The following ZMYM2 variants were observed in gnomAD, a reference collection of about 807,000 sequenced individuals.
ZMYM2 encodes zinc finger MYM-type containing 2.
ZMYM2 carries 56 observed loss-of-function variants against 162.8 expected under a neutral mutation model. The observed-to-expected ratio is 0.34, with a 90% CI of 0.28 to 0.43. The LOEUF (loss-of-function observed/expected upper bound fraction) is 0.43. Ranked by LOEUF, ZMYM2 falls within the 20% of genes least tolerant of loss-of-function variation. The pLI is 1.00. For synonymous variants in ZMYM2, 510 were observed against 541.6 expected (o/e 0.94, Z 0.81); for missense variants, 1,275 against 1,621.8 (o/e 0.79, Z 3.67).
chr13:20,052,362 TA>T, intron 14 of ZMYM2, 51 bp downstream of exon 14: 1 of 1,500,616 alleles, frequency 6.7e-7, no homozygotes, highest in Non-Finnish European at 9.0e-7. Context: ...TAATATGGGG[TA>T]AAAAATAATT....
the ZMYM2 span, among the ~76,000 whole-genome samples, chr13:19,940,523 T>G: frequency 6.6e-6 from 1 of 152,236 alleles, no homozygotes; most frequent in South Asian, 2.1e-4. Context: ...TATATTAGCC[T>G]TCAGGATTTT....
intron 3 of ZMYM2, among the ~76,000 whole-genome samples, chr13:19,994,676 G>T (rs1949886497): frequency 6.6e-6 from 1 of 151,950 alleles, no homozygotes; most frequent in Non-Finnish European, 1.5e-5. Context: ...TTTGTATGGG[G>T]TTTTATCATG....
the ZMYM2 span, among the ~76,000 whole-genome samples, chr13:19,878,108 A>G: frequency 6.6e-6 from 1 of 150,424 alleles, no homozygotes; most frequent in Non-Finnish European, 1.5e-5. Flanking sequence ...GCTGGAGTGC[A>G]ATGGCATGAT....
chr13:19,990,850 C>T (rs1949543493), intron 2 of ZMYM2, among the ~76,000 whole-genome samples: 1 of 152,112 alleles, frequency 6.6e-6, no homozygotes, highest in South Asian at 2.1e-4. Context: ...TCCCATTCAT[C>T]CTATCTACAA....
At chr13:19,900,860 C>T in the ZMYM2 span, among the ~76,000 whole-genome samples, 1 of 152,054 alleles carries the variant, frequency 6.6e-6, no homozygotes, top group Non-Finnish European at 1.5e-5. Context: ...GGTAAAACCC[C>T]GTCTCCACTA....
At chr13:19,946,386 A>T in the ZMYM2 span, among the ~76,000 whole-genome samples, 1 of 152,008 alleles carries the variant, frequency 6.6e-6, no homozygotes, top group Non-Finnish European at 1.5e-5. Flanking sequence ...ATTGTCTTCC[A>T]TTTCTTAGGA....
the ZMYM2 span, among the ~76,000 whole-genome samples, chr13:19,918,335 C>T: frequency 2.6e-5 from 4 of 151,440 alleles, no homozygotes; most frequent in Admixed American, 2.0e-4. Context: ...GTCCCAGATA[C>T]TTGGGAAGCT....
intron 2 of ZMYM2, among the ~76,000 whole-genome samples, chr13:19,991,389 G>C (rs966081566): frequency 6.6e-6 from 1 of 151,140 alleles, no homozygotes; most frequent in African/African-American, 2.4e-5. Flanking sequence ...CAAAATGCTA[G>C]GATTACAGGT....
At chr13:20,021,770 T>C (rs1016085868) in intron 7 of ZMYM2, among the ~76,000 whole-genome samples, 2 of 152,200 alleles carry the variant, frequency 1.3e-5, no homozygotes, top group Non-Finnish European at 2.9e-5. Flanking sequence ...CACAGGTGCT[T>C]TCTTCTCATG....
At chr13:19,958,726 C>T (rs1367190644), upstream of ZMYM2, 3 of 154,166 alleles carry the variant, frequency 1.9e-5, no homozygotes, top group Admixed American at 6.5e-5. Flanking sequence ...TCCTCCGCCT[C>T]CTCCTCCTCA....
At chr13:19,928,846 T>C in the ZMYM2 span, among the ~76,000 whole-genome samples, 1 of 151,418 alleles carries the variant, frequency 6.6e-6, no homozygotes, top group African/African-American at 2.4e-5. Context: ...GGTTTCACCA[T>C]GTTGGCCAGG....
the ZMYM2 span, among the ~76,000 whole-genome samples, chr13:19,902,736 A>C: frequency 1.3e-5 from 2 of 151,294 alleles, no homozygotes; most frequent in South Asian, 4.2e-4. Context: ...AAATTAGCCA[A>C]ATACGATGGG....
the ZMYM2 span, among the ~76,000 whole-genome samples, chr13:19,950,571 T>C: frequency 1.3e-5 from 2 of 152,214 alleles, no homozygotes; most frequent in Non-Finnish European, 2.9e-5. Flanking sequence ...TTTCTGGGCC[T>C]CATTTCTGTT....
chr13:19,946,740 C>T, the ZMYM2 span, among the ~76,000 whole-genome samples: 1 of 152,242 alleles, frequency 6.6e-6, no homozygotes, highest in Non-Finnish European at 1.5e-5. Context: ...GAATGAACAA[C>T]AAAGATCTTA....
intron 6 of ZMYM2, among the ~76,000 whole-genome samples, chr13:20,016,187 G>A (rs1419407953): frequency 6.6e-6 from 1 of 151,468 alleles, no homozygotes; most frequent in Non-Finnish European, 1.5e-5. Context: ...TATTATTTGT[G>A]GTTACTGTGG....
the ZMYM2 span, among the ~76,000 whole-genome samples, chr13:19,881,340 G>A: frequency 6.6e-6 from 1 of 151,988 alleles, no homozygotes; most frequent in East Asian, 1.9e-4. Context: ...TGGGGGAGGG[G>A]GCCTGGTGCG....
chr13:20,038,673 T>C (rs918525537), intron 12 of ZMYM2, among the ~76,000 whole-genome samples: 2 of 152,116 alleles, frequency 1.3e-5, no homozygotes, highest in Admixed American at 6.6e-5. Flanking sequence ...GGTTACTGTA[T>C]CCCTGTAGTA....
intron 12 of ZMYM2, among the ~76,000 whole-genome samples, chr13:20,043,040 A>G (rs753386533): frequency 5.9e-5 from 9 of 151,824 alleles, no homozygotes; most frequent in Non-Finnish European, 1.2e-4. Context: ...TTTTTCTTGT[A>G]TCCTATATTT....
At chr13:20,044,629 G>T (rs992173772) in intron 12 of ZMYM2, among the ~76,000 whole-genome samples, 9 of 152,150 alleles carry the variant, frequency 5.9e-5, no homozygotes, top group Non-Finnish European at 7.4e-5. Flanking sequence ...TCCTAGATAA[G>T]AAAATGAGTG....
Sources: allele counts gnomAD v4.1 joint callset (sites outside exome capture counted in the v4.1 genomes callset), GRCh38; gene constraint gnomAD v4.1.1; transcripts MANE v1.5; gene names NCBI Gene and HGNC (gene_info 2026-07-23, HGNC 2026-07-21).